Variants in TAFA5 observed in about 807,000 individuals in gnomAD.
TAFA5 encodes chemokine-like protein TAFA-5.
Under a neutral mutation model 15.3 loss-of-function variants are expected in TAFA5, and 6 were observed. That is an observed-to-expected ratio of 0.39 (90% CI 0.21 to 0.77). The LOEUF (loss-of-function observed/expected upper bound fraction) is 0.77. Ranked by LOEUF, TAFA5 falls within the 30% of genes least tolerant of loss-of-function variation. The pLI, the probability that TAFA5 is intolerant of heterozygous loss-of-function variation, is 0.41. For missense variants in TAFA5, 161 were observed against 193.1 expected (o/e 0.83, Z 0.98); for synonymous variants, 103 against 80.7 (o/e 1.28, Z -1.48).
chr22:48,713,746 C>T (rs899289301), intron 3 of TAFA5, among the ~76,000 whole-genome samples: 1 of 152,238 alleles, frequency 6.6e-6, no homozygotes, highest in African/African-American at 2.4e-5. Flanking sequence ...GATGGCTTGC[C>T]TTGTCCAGGC....
intron 2 of TAFA5, among the ~76,000 whole-genome samples, chr22:48,655,296 G>C (rs763493503): frequency 6.6e-6 from 1 of 152,256 alleles, no homozygotes; most frequent in Non-Finnish European, 1.5e-5. Flanking sequence ...TCAGTCATTA[G>C]AAAAGTGAAT....
At chr22:48,664,206 C>T (rs115026745) in intron 2 of TAFA5, among the ~76,000 whole-genome samples, 3 of 152,156 alleles carry the variant, frequency 2.0e-5, no homozygotes, top group Admixed American at 2.0e-4. Flanking sequence ...GTACTCTCTG[C>T]CGTTCCAGTC....
At chr22:48,710,671 G>A (rs533897189) in intron 3 of TAFA5, among the ~76,000 whole-genome samples, 2 of 152,340 alleles carry the variant, frequency 1.3e-5, no homozygotes, top group East Asian at 3.9e-4. Flanking sequence ...GAGGCAGTGA[G>A]CCCCCCTTAT....
rs140856280 is a variant in TAFA5 at position 48,609,079 on chromosome 22, A to C, written c.113-37518A>C. Among the ~76,000 whole-genome samples, 14 of 152,286 alleles carry C rather than the reference A, an allele frequency of 9.2e-5. No individual in the cohort carries two copies. In the East Asian group the frequency reaches 2.5e-3, roughly 27 times the overall value. Reference sequence around the variant, plus strand: ...CCTAGGCTGCAGTTAGCCAGGGCACAGTCTGTTACTGTGGAGCGATGGCCC... The same window carrying C: ...CCTAGGCTGCAGTTAGCCAGGGCACCGTCTGTTACTGTGGAGCGATGGCCC... On this transcript the variant is annotated intron_variant, in intron 1 of 3. Transcript: ENST00000402357.
At chr22:48,687,139 G>A (rs1457365748) in intron 2 of TAFA5, among the ~76,000 whole-genome samples, 1 of 151,836 alleles carries the variant, frequency 6.6e-6, no homozygotes, top group Non-Finnish European at 1.5e-5. Context: ...TGGATAGATA[G>A]GTGGATGGAT....
intron 2 of TAFA5, among the ~76,000 whole-genome samples, chr22:48,693,087 C>A (rs1928593458): frequency 6.6e-6 from 1 of 152,264 alleles, no homozygotes; most frequent in Non-Finnish European, 1.5e-5. Flanking sequence ...TGGAACGCTG[C>A]CCTTCGACCC....
chr22:48,692,884 G>A (rs1928585886), intron 2 of TAFA5, among the ~76,000 whole-genome samples: 2 of 152,220 alleles, frequency 1.3e-5, no homozygotes, highest in Admixed American at 1.3e-4. Flanking sequence ...AGCTTGCTTG[G>A]GACCTCAGGA....
At chr22:48,568,416 C>T (rs899531087) in intron 1 of TAFA5, among the ~76,000 whole-genome samples, 1 of 152,218 alleles carries the variant, frequency 6.6e-6, no homozygotes, top group Admixed American at 6.5e-5. Flanking sequence ...GGCATCTACC[C>T]TTGGTGCAGA....
intron 1 of TAFA5, among the ~76,000 whole-genome samples, chr22:48,510,406 A>G (rs1921168405): frequency 6.6e-6 from 1 of 152,262 alleles, no homozygotes; most frequent in Non-Finnish European, 1.5e-5. Flanking sequence ...GATATTTCTC[A>G]AAAGAAGACA....
chr22:48,655,781 G>T (rs923154296), intron 2 of TAFA5, among the ~76,000 whole-genome samples: 1 of 150,902 alleles, frequency 6.6e-6, no homozygotes, highest in Non-Finnish European at 1.5e-5. Context: ...GAGGGACAGT[G>T]TGGTTGAAGG....
At chr22:48,504,238 G>A (rs1020231738) in intron 1 of TAFA5, among the ~76,000 whole-genome samples, 8 of 152,168 alleles carry the variant, frequency 5.3e-5, no homozygotes, top group African/African-American at 1.2e-4. Flanking sequence ...CCAGGGTGGC[G>A]TCCTGGGGGT....
At chr22:48,690,763 A>G (rs957645963) in intron 2 of TAFA5, among the ~76,000 whole-genome samples, 2 of 152,182 alleles carry the variant, frequency 1.3e-5, no homozygotes, top group African/African-American at 2.4e-5. Context: ...GCACACGGAA[A>G]GTACAGCCCC....
At chr22:48,587,650 C>A (rs951715684) in intron 1 of TAFA5, among the ~76,000 whole-genome samples, 1 of 152,188 alleles carries the variant, frequency 6.6e-6, no homozygotes, top group Non-Finnish European at 1.5e-5. Flanking sequence ...CTGATGGGGC[C>A]GCCCTGTGGG....
chr22:48,643,113 G>A (rs539889372), intron 1 of TAFA5, among the ~76,000 whole-genome samples: 1 of 152,346 alleles, frequency 6.6e-6, no homozygotes, highest in South Asian at 2.1e-4. Flanking sequence ...ACCTGCTGGG[G>A]CTGAGCTGGG....
intron 1 of TAFA5, among the ~76,000 whole-genome samples, chr22:48,605,147 A>G (rs76429680): frequency 0.062 from 3,054 of 49,256 alleles, 440 homozygotes; most frequent in African/African-American, 0.072. Flanking sequence ...GATGGTGATG[A>G]TGGTTATGGT....
At position 48,598,443 on chromosome 22, in the gene TAFA5, C is replaced by T. The variant is rs573000084; in HGVS notation, c.113-48154C>T. Among the ~76,000 whole-genome samples, 5 of 152,200 alleles carry T rather than the reference C, an allele frequency of 3.3e-5. No homozygotes were observed. Among genetic ancestry groups the T allele is most frequent in the South Asian group, 2.1e-4 (1 of 4,828 alleles). ...CTGTGATCGTGCTTAGTGTTTATGG[C>T]GTGGGGCTGAGGGAGACCACACAGG... On this transcript the variant is annotated intron_variant, in intron 1 of 3. Coordinates refer to ENST00000402357, the MANE Select transcript of TAFA5 (RefSeq NM_001082967.3). The surrounding 1 kb of genome is among the most constrained non-coding windows in gnomAD (Gnocchi z 4.0).
intron 1 of TAFA5, among the ~76,000 whole-genome samples, chr22:48,556,933 C>A (rs1048860963): frequency 6.6e-6 from 1 of 152,196 alleles, no homozygotes; most frequent in Non-Finnish European, 1.5e-5. Flanking sequence ...GGCACAGACC[C>A]GCCTGCTTGG....
intron 1 of TAFA5, among the ~76,000 whole-genome samples, chr22:48,620,585 G>A (rs1191223226): frequency 4.5e-4 from 3 of 6,666 alleles, no homozygotes; most frequent in Admixed American, 1.9e-3. Flanking sequence ...GTATCCATCC[G>A]TCCACCCACC....
At chr22:48,636,921 C>G (rs993437450) in intron 1 of TAFA5, among the ~76,000 whole-genome samples, 2 of 152,208 alleles carry the variant, frequency 1.3e-5, no homozygotes, top group Admixed American at 6.5e-5. Flanking sequence ...GGCGCGGGGC[C>G]CTGGGAGGCT....
Sources: gnomAD v4.1 joint callset for allele counts (sites outside exome capture counted in the v4.1 genomes callset) on GRCh38, gnomAD v4.1.1 for gene constraint, Gnocchi (gnomAD v3.1) non-coding constraint, MANE v1.5 for transcripts, NCBI Gene and HGNC (gene_info 2026-07-23, HGNC 2026-07-21) for gene names.